Variants in CADM4 observed in about 807,000 individuals in gnomAD.
The protein encoded by CADM4 is cell adhesion molecule 4.
Under a neutral mutation model 43.9 loss-of-function variants are expected in CADM4, and 13 were observed. That is an observed-to-expected ratio of 0.30 (90% CI 0.19 to 0.47). CADM4 has a LOEUF of 0.47. Ranked by LOEUF, CADM4 falls within the 20% of genes least tolerant of loss-of-function variation. The probability of loss-of-function intolerance (pLI) is 1.00; values close to 1 mark genes in which losing one functional copy is unlikely to be tolerated. For synonymous variants in CADM4, 209 were observed against 220.9 expected (o/e 0.95, Z 0.48); for missense variants, 420 against 527.0 (o/e 0.80, Z 1.99).
intron 1 of CADM4, among the ~76,000 whole-genome samples, chr19:43,631,353 A>G (rs1973622182): frequency 6.6e-6 from 1 of 152,138 alleles, no homozygotes; most frequent in Admixed American, 6.5e-5. Flanking sequence ...AAAAGAAAAA[A>G]AAAAAAGAAA....
intron 1 of CADM4, among the ~76,000 whole-genome samples, chr19:43,632,129 C>T (rs1973634362): frequency 6.6e-6 from 1 of 152,188 alleles, no homozygotes; most frequent in African/African-American, 2.4e-5. Flanking sequence ...TTTTCTCAAT[C>T]TCAATAAATG....
chr19:43,636,158 C>G (rs1973701201), intron 1 of CADM4, among the ~76,000 whole-genome samples: 1 of 152,170 alleles, frequency 6.6e-6, no homozygotes, highest in African/African-American at 2.4e-5. Flanking sequence ...CCTCTGTCCC[C>G]TCCCATCTGG....
intron 1 of CADM4, among the ~76,000 whole-genome samples, chr19:43,630,768 G>A (rs566956468): frequency 6.6e-5 from 10 of 152,260 alleles, no homozygotes; most frequent in South Asian, 2.1e-4. Context: ...TGTGAGAGCC[G>A]CTTGTGATGG....
At chr19:43,629,413 C>T (rs1325406302) in intron 1 of CADM4, among the ~76,000 whole-genome samples, 2 of 152,100 alleles carry the variant, frequency 1.3e-5, no homozygotes, top group African/African-American at 2.4e-5. Flanking sequence ...GAATCTAGAA[C>T]CATCAGAGAA....
Position 43,627,279 on chromosome 19 carries a change from G to T in CADM4, c.251C>A (p.Pro84Gln). The change falls in exon 3 of 9, where the codon CCA becomes CAA. Residue 84 changes from proline (P) to glutamine (Q), a missense_variant. Pro to Gln is a moderately conservative substitution (Grantham distance 76). Coordinates refer to ENST00000222374, the MANE Select transcript of CADM4 (RefSeq NM_145296.2). This position sits in a 1 kb window ranked among gnomAD's most constrained non-coding sequence, Gnocchi z 4.0. ...DERFQLEEFS[P>Q]RRVRIRLSDA... ...TGAGAGCCGGATCCGCACCCGGCGT[G>T]GGGAGAACTCCTCAAGCTGGAAACG... 1 of 1,609,830 alleles carries T rather than the reference G, an allele frequency of 6.2e-7. No homozygotes were observed. Among genetic ancestry groups the T allele is most frequent in the Non-Finnish European group, 8.5e-7 (1 of 1,177,880 alleles).
At chr19:43,633,862 ATTTT>A (rs1238910872) in intron 1 of CADM4, among the ~76,000 whole-genome samples, 2 of 142,284 alleles carry the variant, frequency 1.4e-5, no homozygotes, top group Non-Finnish European at 3.1e-5. Flanking sequence ...AAAAAAAAAA[ATTTT>A]TTTTTTTTTT....
chr19:43,639,251 G>A (rs1973739750), intron 1 of CADM4, among the ~76,000 whole-genome samples: 1 of 151,824 alleles, frequency 6.6e-6, no homozygotes, highest in African/African-American at 2.4e-5. Context: ...AGGGGACAGA[G>A]GTAGGGGACA....
At position 43,626,327 on chromosome 19, in the gene CADM4, C is replaced by G; in HGVS notation, c.500-39G>C. The G allele has an allele frequency of 6.3e-7, 1 of 1,596,956 alleles. No individual in the cohort carries two copies. The highest frequency in any genetic ancestry group is 1.3e-5 in the African/African-American group (1 of 74,802). ...GTCAGACACTGTCAGGCCACAATTC[C>G]GGCTCCATCCACCCACCCACCCGAG... On this transcript the variant is annotated intron_variant, in intron 4 of 8. Coordinates refer to ENST00000222374, the MANE Select transcript of CADM4 (RefSeq NM_145296.2). This position sits in a 1 kb window ranked among gnomAD's most constrained non-coding sequence, Gnocchi z 5.9.
chr19:43,636,243 A>G (rs546478725), intron 1 of CADM4, among the ~76,000 whole-genome samples: 2 of 152,184 alleles, frequency 1.3e-5, no homozygotes, highest in African/African-American at 4.8e-5. Flanking sequence ...TGGCCCCCAC[A>G]TTCCTGGGAT....
intron 1 of CADM4, among the ~76,000 whole-genome samples, chr19:43,629,809 GTTT>G (rs1973589567): frequency 6.6e-6 from 1 of 152,016 alleles, no homozygotes; most frequent in African/African-American, 2.4e-5. Context: ...TAGAGACAGA[GTTT>G]AGCCATATTG....
At chr19:43,636,384 C>T (rs1444984996) in intron 1 of CADM4, among the ~76,000 whole-genome samples, 1 of 152,102 alleles carries the variant, frequency 6.6e-6, no homozygotes, top group African/African-American at 2.4e-5. Flanking sequence ...ACTGAGCTCC[C>T]TCTGTCCGAA....
At position 43,627,450 on chromosome 19, in the gene CADM4, A is replaced by C. The variant is rs142675292; in HGVS notation, c.212-132T>G. On this transcript the variant is annotated intron_variant, in intron 2 of 8. Coordinates refer to ENST00000222374, the MANE Select transcript of CADM4 (RefSeq NM_145296.2). This position sits in a 1 kb window ranked among gnomAD's most constrained non-coding sequence, Gnocchi z 4.0. ...CATATCTATGAGTCTGAGGTGTCCA[A>C]CTATTTACTCCCTTGAGGACCCAGC... The C allele has an allele frequency of 3.2e-6, 4 of 1,247,932 alleles. No homozygotes were observed. In the African/African-American group the frequency reaches 6.1e-5, roughly 19 times the overall value. 77.3% of individuals were successfully genotyped at this position (1,247,932 alleles called of 1,614,324 possible). A position where few individuals can be genotyped will look rare whatever the true frequency, so the allele number is the denominator to read the frequency against.
chr19:43,639,577 C>G, intron 1 of CADM4, 150 bp downstream of exon 1: 1 of 427,020 alleles, frequency 2.3e-6, no homozygotes, highest in Non-Finnish European at 3.1e-6. Context: ...GCTCCCGGCT[C>G]CCGGCCCGCG....
At position 43,625,677 on chromosome 19, in the gene CADM4, G is replaced by A. The variant is rs769275678; in HGVS notation, c.755+234C>T. Among the ~76,000 whole-genome samples the A allele has an allele frequency of 7.4e-4, 112 of 152,104 alleles. 1 individual carries two copies. Among genetic ancestry groups the A allele is most frequent in the Admixed American group, 2.5e-3 (38 of 15,266 alleles). ...GCACAGCTTCAGTATTGGGGAGTCT[G>A]AGCCTCCAGATTCCTCCTCCCTCAG... On this transcript the variant is annotated intron_variant, in intron 6 of 8. Transcript: ENST00000222374. The surrounding 1 kb of genome is among the most constrained non-coding windows in gnomAD (Gnocchi z 4.5).
At chr19:43,628,347 A>C (rs185427377) in intron 1 of CADM4, among the ~76,000 whole-genome samples, 1 of 151,920 alleles carries the variant, frequency 6.6e-6, no homozygotes, top group African/African-American at 2.4e-5. Flanking sequence ...AGGCAGGGGA[A>C]TCGCTTGAAC....
At chr19:43,624,621 C>T (rs1182133572) in intron 7 of CADM4, among the ~76,000 whole-genome samples, 3 of 152,146 alleles carry the variant, frequency 2.0e-5, no homozygotes, top group Non-Finnish European at 4.4e-5. Context: ...TTTCTTTTGA[C>T]TCAAGTTTCT....
chr19:43,630,279 TTC>T (rs1477177145), intron 1 of CADM4, among the ~76,000 whole-genome samples: 16 of 118,660 alleles, frequency 1.3e-4, no homozygotes, highest in African/African-American at 5.0e-4. Context: ...CATTTTTCTT[TTC>T]TTTTTTTTTT....
upstream of CADM4, among the ~76,000 whole-genome samples, chr19:43,641,231 G>A (rs1004141617): frequency 6.6e-6 from 1 of 152,090 alleles, no homozygotes; most frequent in African/African-American, 2.4e-5. Context: ...GCCTCCCAAA[G>A]TGCTGGATTA....
upstream of CADM4, among the ~76,000 whole-genome samples, chr19:43,640,368 C>G (rs1429717111): frequency 6.6e-6 from 1 of 151,604 alleles, no homozygotes; most frequent in Non-Finnish European, 1.5e-5. Flanking sequence ...TGTCTGGAGT[C>G]TAGCGAGAGG....
Sources: allele counts gnomAD v4.1 joint callset (sites outside exome capture counted in the v4.1 genomes callset), GRCh38; gene constraint gnomAD v4.1.1; non-coding constraint Gnocchi (gnomAD v3.1); transcripts MANE v1.5; gene names NCBI Gene and HGNC (gene_info 2026-07-23, HGNC 2026-07-21).